SLC4A4: variants seen among roughly 807,000 people sequenced by gnomAD.
SLC4A4 encodes the protein electrogenic sodium bicarbonate cotransporter 1.
Under a neutral mutation model 111.5 loss-of-function variants are expected in SLC4A4, and 27 were observed. The observed-to-expected ratio is 0.24, with a 90% CI of 0.18 to 0.33. The LOEUF is 0.33. Ranked by LOEUF, SLC4A4 falls within the 10% of genes least tolerant of loss-of-function variation. SLC4A4 has a pLI of 1.00. For synonymous variants in SLC4A4, 443 were observed against 463.4 expected (o/e 0.96, Z 0.57); for missense variants, 909 against 1,315.5 (o/e 0.69, Z 4.78).
intron 4 of SLC4A4, among the ~76,000 whole-genome samples, chr4:71,346,191 G>T (rs1253901377): frequency 2.6e-5 from 4 of 151,824 alleles, no homozygotes; most frequent in African/African-American, 7.3e-5. Flanking sequence ...TGTTTGTTTG[G>T]CAGTCACTGA....
At chr4:71,102,567 A>G (rs1316422489) in intron 2 of SLC4A4, among the ~76,000 whole-genome samples, 2 of 152,296 alleles carry the variant, frequency 1.3e-5, no homozygotes, top group Admixed American at 1.3e-4. Context: ...CTAACAGCTG[A>G]TCTCTTGGCA....
chr4:71,067,129 G>GA (rs34311719), intron 1 of SLC4A4, among the ~76,000 whole-genome samples: 115,870 of 149,962 alleles, frequency 0.77, 44,800 homozygotes, highest in East Asian at 0.83. Flanking sequence ...CACATGCAGA[G>GA]AAAAAAAAAA....
At chr4:71,220,927 T>A (rs1360813069) in intron 1 of SLC4A4, among the ~76,000 whole-genome samples, 5 of 152,292 alleles carry the variant, frequency 3.3e-5, no homozygotes, top group African/African-American at 1.2e-4. Context: ...TGTTCATAAG[T>A]TCTTGTCATT....
At chr4:71,461,049 C>T (rs149015149) in intron 12 of SLC4A4, among the ~76,000 whole-genome samples, 1 of 152,170 alleles carries the variant, frequency 6.6e-6, no homozygotes, top group East Asian at 1.9e-4. Flanking sequence ...TGACATTGGG[C>T]TACCTCATAA....
chr4:71,361,567 A>G (rs1730793620), intron 6 of SLC4A4, among the ~76,000 whole-genome samples: 1 of 152,218 alleles, frequency 6.6e-6, no homozygotes, highest in Non-Finnish European at 1.5e-5. Flanking sequence ...GCATGAAGAA[A>G]TTAATGAGGT....
intron 6 of SLC4A4, among the ~76,000 whole-genome samples, chr4:71,367,666 G>T (rs1265610963): frequency 6.6e-6 from 1 of 152,108 alleles, no homozygotes; most frequent in African/African-American, 2.4e-5. Flanking sequence ...ATAAAAAGTT[G>T]CAAAGAACTT....
rs71212002 is a variant in SLC4A4 at position 71,267,791 on chromosome 4, CAAAAAAAAAAAA to C, written c.253+12408_253+12419del. On this transcript the variant is annotated intron_variant, in intron 3 of 25. Coordinates refer to ENST00000264485, the MANE Select transcript of SLC4A4 (RefSeq NM_001098484.3). ...CCTGGATGACAGAGTGAGAGTCTGCCAAAAAAAAAAAAAAAAAAAAAAAAAAAGAAAACGAAA... is the reference window on the plus strand; with the variant it reads ...CCTGGATGACAGAGTGAGAGTCTGCCAAAAAAAAAAAAAAAGAAAACGAAA... Among the ~76,000 whole-genome samples, 16 of 62,360 alleles carry C rather than the reference CAAAAAAAAAAAA, an allele frequency of 2.6e-4. No individual in the cohort carries two copies. In the South Asian group the frequency reaches 4.9e-3, roughly 19 times the overall value. The allele number at this position is 62,360 out of a possible 152,430, so 40.9% of individuals were successfully genotyped here.
intron 4 of SLC4A4, among the ~76,000 whole-genome samples, chr4:71,346,525 GT>G (rs201899572): frequency 1.2e-3 from 174 of 142,508 alleles, no homozygotes; most frequent in Middle Eastern, 0.011. Context: ...TAAAAAGTCT[GT>G]TTTTTTTTTT....
intron 2 of SLC4A4, among the ~76,000 whole-genome samples, chr4:71,248,961 C>A (rs1342162760): frequency 6.6e-6 from 1 of 152,124 alleles, no homozygotes; most frequent in East Asian, 1.9e-4. Flanking sequence ...TCCTTTGAGA[C>A]CTTTTATTCT....
intron 16 of SLC4A4, among the ~76,000 whole-genome samples, chr4:71,529,881 T>C (rs978824992): frequency 4.6e-5 from 7 of 152,176 alleles, no homozygotes; most frequent in Non-Finnish European, 1.0e-4. Flanking sequence ...GCCTTTGCAA[T>C]GACCTCTGGT....
chr4:71,174,556 AT>A (rs1415486842), intron 2 of SLC4A4, among the ~76,000 whole-genome samples: 1 of 152,028 alleles, frequency 6.6e-6, no homozygotes, highest in Admixed American at 6.6e-5. Flanking sequence ...CCCACACACC[AT>A]TTTTTAATAC....
intron 16 of SLC4A4, among the ~76,000 whole-genome samples, chr4:71,513,574 G>C (rs1341376913): frequency 1.3e-5 from 2 of 152,072 alleles, no homozygotes; most frequent in Non-Finnish European, 2.9e-5. Flanking sequence ...CGTCAGCAAA[G>C]AGGCACAATT....
chr4:71,521,799 CA>C (rs768971529), intron 16 of SLC4A4, among the ~76,000 whole-genome samples: 17 of 152,130 alleles, frequency 1.1e-4, no homozygotes, highest in Admixed American at 2.0e-4. Context: ...GAAAGATGTC[CA>C]TTGCATGTGG....
At chr4:71,166,623 T>A (rs892110054) in intron 2 of SLC4A4, among the ~76,000 whole-genome samples, 3 of 152,144 alleles carry the variant, frequency 2.0e-5, no homozygotes, top group Admixed American at 6.5e-5. Context: ...AATGAAATCA[T>A]GAGATTTGAA....
upstream of SLC4A4, among the ~76,000 whole-genome samples, chr4:71,186,035 T>C (rs1037684141): frequency 1.3e-5 from 2 of 152,202 alleles, no homozygotes; most frequent in African/African-American, 4.8e-5. Flanking sequence ...CCCAGAACAA[T>C]AGATGGTGTG....
chr4:71,398,690 C>A (rs1045841675), intron 7 of SLC4A4, among the ~76,000 whole-genome samples: 1 of 152,160 alleles, frequency 6.6e-6, no homozygotes, highest in Admixed American at 6.5e-5. Flanking sequence ...GAAGAAGGAA[C>A]ATGAAGCAAG....
intron 1 of SLC4A4, among the ~76,000 whole-genome samples, chr4:71,208,290 G>C (rs1167668350): frequency 1.3e-5 from 2 of 152,022 alleles, no homozygotes; most frequent in Non-Finnish European, 2.9e-5. Context: ...AATTTGCCGG[G>C]TGTGGTGGCG....
In SLC4A4 at chr4:71,443,940, G is replaced by T. The variant is rs193221099; in HGVS notation, c.965+3167G>T. Among the ~76,000 whole-genome samples the T allele has an allele frequency of 3.1e-3, 469 of 152,212 alleles. 3 individuals are homozygous for T. The highest frequency in any genetic ancestry group is 0.011 in the African/African-American group (448 of 41,516). ...TTGCTAGCTGCTATTAATATTTACC[G>T]CATGTAATGCAGTTGGTTATGGTGG... On this transcript the variant is annotated intron_variant, in intron 8 of 25. Transcript: ENST00000264485.
chr4:71,071,776 T>C (rs1426459088), intron 1 of SLC4A4, among the ~76,000 whole-genome samples: 1 of 152,232 alleles, frequency 6.6e-6, no homozygotes, highest in African/African-American at 2.4e-5. Context: ...TCTTGGAAGG[T>C]TGCATATGAT....
Sources: gnomAD v4.1 joint callset for allele counts (sites outside exome capture counted in the v4.1 genomes callset) on GRCh38, gnomAD v4.1.1 for gene constraint, MANE v1.5 for transcripts, NCBI Gene and HGNC (gene_info 2026-07-23, HGNC 2026-07-21) for gene names.